NLRC3: variants seen among roughly 807,000 people sequenced by gnomAD.
The protein encoded by NLRC3 is NLR family CARD domain-containing protein 3.
A neutral mutation model predicts 91.6 loss-of-function variants in NLRC3; 87 were observed. The ratio of observed to expected loss-of-function variants is 0.95; its 90% confidence interval spans 0.80 to 1.14. The LOEUF (loss-of-function observed/expected upper bound fraction) is 1.14. NLRC3 is among the 50% of genes most tolerant of loss of function. NLRC3 has a pLI of 0.00. For missense variants in NLRC3, 1,577 were observed against 1,418.6 expected (o/e 1.11, Z -1.79); for synonymous variants, 694 against 625.3 (o/e 1.11, Z -1.64).
chr16:3,562,986 C>A (rs773882121), intron 5 of NLRC3, 23 bp downstream of exon 5: 5 of 1,545,842 alleles, frequency 3.2e-6, no homozygotes, highest in Middle Eastern at 1.7e-4. Flanking sequence ...TCCCCAGCCC[C>A]TGCCCCCTGC....
rs1027448717 is a variant in NLRC3 at position 3,566,101 on chromosome 16, C to CAA, written c.-86-723_-86-722dup. 7.1e-3 allele frequency among the ~76,000 whole-genome samples: 152 copies of CAA among 21,312 alleles called. 8 individuals are homozygous for CAA. Among genetic ancestry groups the CAA allele is most frequent in the African/African-American group, 0.026 (128 of 4,968 alleles). The allele number at this position is 21,312 out of a possible 152,430, so 14.0% of individuals were successfully genotyped here. ...CTTGCTCCTGAGTTAGAGCAAAAAG[C>CAA]AAAAAAAAAAAAAAAAAAAAAAAAA... On this transcript the variant is annotated intron_variant, in intron 2 of 19. Coordinates refer to ENST00000359128, the MANE Select transcript of NLRC3 (RefSeq NM_178844.4).
Position 3,563,079 on chromosome 16 carries a change from G to T in NLRC3, c.1858C>A (p.Leu620Met), listed in dbSNP as rs758612479. The change falls in exon 5 of 20, where the codon CTG becomes ATG. Residue 620 changes from leucine to methionine, a missense_variant. By Grantham distance (15) the Leu-to-Met change is conservative. Transcript: ENST00000359128. ...VSDACAQEAN[L>M]SLSLSQGVLQ... ...ACGCCCTGGCTGAGGCTCAGGGACA[G>T]GTTGGCCTCCTGGGCACAGGCGTCG... 2.5e-6 allele frequency: 4 copies of T among 1,569,232 alleles called. No homozygotes were observed. Among genetic ancestry groups the T allele is most frequent in the Admixed American group, 1.9e-5 (1 of 53,836 alleles).
At chr16:3,573,448 C>T (rs1044449590) in intron 1 of NLRC3, among the ~76,000 whole-genome samples, 1 of 152,108 alleles carries the variant, frequency 6.6e-6, no homozygotes, top group Non-Finnish European at 1.5e-5. Context: ...CAAAAGCTAG[C>T]AATTATCTAA....
At chr16:3,548,785 G>A (rs745823817) in intron 13 of NLRC3, 32 bp from the exon 14 acceptor site, 16 of 1,490,700 alleles carry the variant, frequency 1.1e-5, no homozygotes, top group Non-Finnish European at 1.3e-5. Flanking sequence ...CAAGTGAGCC[G>A]GGGGCCGGCT....
At chr16:3,546,641 C>T (rs1034666336) in intron 15 of NLRC3, among the ~76,000 whole-genome samples, 2 of 152,114 alleles carry the variant, frequency 1.3e-5, no homozygotes, top group Non-Finnish European at 2.9e-5. Context: ...GTTCCATTCA[C>T]AAGATGGGGA....
intron 5 of NLRC3, among the ~76,000 whole-genome samples, chr16:3,562,337 C>T (rs1209399065): frequency 6.6e-6 from 1 of 152,122 alleles, no homozygotes; most frequent in African/African-American, 2.4e-5. Context: ...GTGACAGTGT[C>T]TTTTTAAGAC....
intron 6 of NLRC3, among the ~76,000 whole-genome samples, chr16:3,558,711 T>C (rs1166075505): frequency 6.6e-6 from 1 of 152,208 alleles, no homozygotes; most frequent in Non-Finnish European, 1.5e-5. Flanking sequence ...CCAGGCTCTT[T>C]GCCGTTTGTA....
chr16:3,544,593 GC>G (rs2038593672), intron 15 of NLRC3: 2 of 435,088 alleles, frequency 4.6e-6, no homozygotes, highest in African/African-American at 4.0e-5. Context: ...GTCAGCAGGG[GC>G]TTGGGACCCA....
chr16:3,568,470 T>C (rs998068901), intron 1 of NLRC3, among the ~76,000 whole-genome samples: 2 of 152,214 alleles, frequency 1.3e-5, no homozygotes, highest in Non-Finnish European at 2.9e-5. Flanking sequence ...ATGCTTGTCA[T>C]TCCAGCACTT....
At chr16:3,571,544 T>TA (rs77866901) in intron 1 of NLRC3, among the ~76,000 whole-genome samples, 4,927 of 118,160 alleles carry the variant, frequency 0.042, 113 homozygotes, top group Non-Finnish European at 0.05. Flanking sequence ...ACCCTGGCTT[T>TA]AAAAAAAAAA....
At position 3,563,003 on chromosome 16, in the gene NLRC3, A is replaced by C; in HGVS notation, c.1928+6T>G. 1 of 1,550,062 alleles carries C rather than the reference A, an allele frequency of 6.5e-7. No homozygotes were observed. On this transcript the variant is annotated splice_donor_region_variant and intron_variant, in intron 5 of 19. Transcript: ENST00000359128. ...CCCAGCCCCTGCCCCCTGCCCTGGT[A>C]TCCACCTGAGCTTCCGGCAGTAGAG... is the stretch of plus-strand genomic sequence containing the variant.
intron 18 of NLRC3, 135 bp from the exon 19 acceptor site, chr16:3,542,409 G>T (rs1349908365): frequency 1.5e-6 from 1 of 682,422 alleles, no homozygotes; most frequent in African/African-American, 1.8e-5. Flanking sequence ...ACTCCAGGTG[G>T]GAGTTGACCC....
chr16:3,566,705 A>G (rs1186174425), intron 2 of NLRC3, among the ~76,000 whole-genome samples: 3 of 151,052 alleles, frequency 2.0e-5, no homozygotes, highest in Non-Finnish European at 4.4e-5. Context: ...AGCCTGGGCA[A>G]CAAGAACGAA....
chr16:3,574,007 C>CTTTTTTTTTTTTT (rs35126359), intron 1 of NLRC3, among the ~76,000 whole-genome samples: 7 of 40,412 alleles, frequency 1.7e-4, no homozygotes, highest in Admixed American at 3.9e-4. Flanking sequence ...ACCATTTTAT[C>CTTTTTTTTTTTTT]TTTTTTTTTT....
At chr16:3,567,632 C>T (rs1357764093) in intron 1 of NLRC3, among the ~76,000 whole-genome samples, 1 of 151,678 alleles carries the variant, frequency 6.6e-6, no homozygotes, top group Non-Finnish European at 1.5e-5. Context: ...ATGAGCTGGG[C>T]ATGGTGGTGG....
rs1273110183 is a variant in NLRC3 at position 3,563,918 on chromosome 16, C to T, written c.1019G>A (p.Gly340Asp). The T allele has an allele frequency of 6.3e-7, 1 of 1,593,762 alleles. No individual in the cohort carries two copies. Among genetic ancestry groups the T allele is most frequent in the Admixed American group, 1.7e-5 (1 of 58,306 alleles). Residue 340 changes from glycine to aspartate, a missense_variant, in exon 5 of 20, where the codon GGC (glycine) becomes GAC (aspartate). Gly to Asp is a moderately conservative substitution (Grantham distance 94). Coordinates refer to ENST00000359128, the MANE Select transcript of NLRC3 (RefSeq NM_178844.4). ...CCCCGTCCTGCTGCGCCACAGGTGG[C>T]CTAGCGCCATCCCCGTGAGCCTGCA... ...AFCRLTGMAL[G>D]HLWRSRTGPQ...
intron 6 of NLRC3, 149 bp from the exon 7 acceptor site, chr16:3,557,825 A>C: frequency 1.6e-6 from 1 of 608,558 alleles, no homozygotes. Flanking sequence ...CCTGGAGCAG[A>C]ATGCCAGGCA....
At chr16:3,559,891 C>T (rs2039527516) in intron 6 of NLRC3, among the ~76,000 whole-genome samples, 2 of 152,012 alleles carry the variant, frequency 1.3e-5, no homozygotes, top group Admixed American at 6.6e-5. Context: ...GATTCACGGG[C>T]CTCAGTCTCC....
At chr16:3,575,937 TTC>T (rs1197570394) in intron 1 of NLRC3, among the ~76,000 whole-genome samples, 8 of 152,110 alleles carry the variant, frequency 5.3e-5, no homozygotes, top group African/African-American at 1.9e-4. Flanking sequence ...CAGGACTCGG[TTC>T]TCTCGAGGTG....
Sources: gnomAD v4.1 joint callset for allele counts (sites outside exome capture counted in the v4.1 genomes callset) on GRCh38, gnomAD v4.1.1 for gene constraint, MANE v1.5 for transcripts, NCBI Gene and HGNC (gene_info 2026-07-23, HGNC 2026-07-21) for gene names.